NRK: variants seen among roughly 807,000 people sequenced by gnomAD.
NRK encodes the protein nik-related protein kinase.
Under a neutral mutation model 125.2 loss-of-function variants are expected in NRK, and 67 were observed. The ratio of observed to expected loss-of-function variants is 0.54; its 90% confidence interval spans 0.44 to 0.66. NRK has a LOEUF of 0.66. Among genes scored for constraint, NRK ranks in the 30% least tolerant of loss-of-function variants. The pLI is 0.00. For missense variants in NRK, 1,224 were observed against 1,192.9 expected, an observed-to-expected ratio of 1.03 and a Z score of -0.38; for synonymous variants, 458 against 429.0, an observed-to-expected ratio of 1.07 and a Z score of -0.84.
chrX:105,931,829 G>GT (rs964573425), intron 19 of NRK, among the ~76,000 whole-genome samples: 23 of 110,299 alleles, frequency 2.1e-4, no homozygotes, highest in Non-Finnish European at 4.2e-4. Flanking sequence ...TTTTTTCTGA[G>GT]TTTTTTTTTA....
At chrX:105,882,216 C>T (rs1169299412) in intron 4 of NRK, among the ~76,000 whole-genome samples, 6 of 110,623 alleles carry the variant, frequency 5.4e-5, no homozygotes, top group African/African-American at 2.0e-4. Context: ...ACATTACCAT[C>T]GTGTTTGAAC....
chrX:105,883,696 A>G (rs1343130718), intron 4 of NRK, among the ~76,000 whole-genome samples: 2 of 112,332 alleles, frequency 1.8e-5, no homozygotes, highest in Non-Finnish European at 3.8e-5. Flanking sequence ...AAGCTACCAA[A>G]CTAGTGAAAT....
intron 19 of NRK, among the ~76,000 whole-genome samples, chrX:105,933,285 T>A (rs957686371): frequency 9.0e-6 from 1 of 111,497 alleles, no homozygotes; most frequent in African/African-American, 3.3e-5. Flanking sequence ...TATCCAGTTA[T>A]CTCAAGGAAT....
At chrX:105,950,558 GTGTGTGTGTGTGTGTGTGT>G (rs1402270710) in intron 27 of NRK, among the ~76,000 whole-genome samples, 2 of 106,504 alleles carry the variant, frequency 1.9e-5, no homozygotes, top group African/African-American at 6.9e-5. Context: ...GTGTGTGTGT[GTGTGTGTGTGTGTGTGTGT>G]GGAGAGAGAG....
chrX:105,909,118 G>A lies in NRK; in HGVS notation c.1477G>A (p.Val493Ile). The A allele has an allele frequency of 1.7e-6, 2 of 1,211,517 alleles. No homozygotes were observed. Among genetic ancestry groups the A allele is most frequent in the Non-Finnish European group, 2.2e-6 (2 of 895,271 alleles). The change falls in exon 13 of 29, where the codon GTA becomes ATA. Residue 493 changes from valine to isoleucine, a missense_variant. By Grantham distance (29) the Val-to-Ile change is conservative. Coordinates refer to ENST00000243300, the MANE Select transcript of NRK (RefSeq NM_198465.4). ...GGTTAGGGCACCTAGGCTTCTGCAG[G>A]TACAGTCCCAGGTATCCAAAAAGCA... ...AQVRAPRLLQVQSQVSKKQQA... is the reference protein window; with the variant it reads ...AQVRAPRLLQIQSQVSKKQQA...
intron 19 of NRK, 78 bp downstream of exon 19, chrX:105,925,109 G>A: frequency 1.3e-6 from 1 of 763,633 alleles, no homozygotes; most frequent in Non-Finnish European, 1.9e-6. Flanking sequence ...AGCATTTCTA[G>A]CCATTCCAAA....
rs1348711599 is a variant in NRK at position 105,957,704 on chromosome X, G to A, written c.*2104G>A. 1.8e-5 allele frequency: 2 copies of A among 111,690 alleles called. No homozygotes were observed. The highest frequency in any genetic ancestry group is 3.8e-5 in the Non-Finnish European group (2 of 53,154). 9.2% of individuals were successfully genotyped at this position (111,690 alleles called of 1,213,427 possible). The stretch of plus-strand genomic sequence containing the variant: ...GATAAACCGAGCTTTAAAGGATAAA[G>A]TGTTAATAAAGAAAGGAAGCTGGGC... On this transcript the variant is annotated 3_prime_UTR_variant, in exon 29 of 29. Coordinates refer to ENST00000243300, the MANE Select transcript of NRK (RefSeq NM_198465.4).
intron 2 of NRK, among the ~76,000 whole-genome samples, chrX:105,875,520 A>G (rs1438205871): frequency 9.0e-6 from 1 of 111,420 alleles, no homozygotes; most frequent in Non-Finnish European, 1.9e-5. Context: ...ATTGAGTTTC[A>G]TTATCTTAAT....
chrX:105,852,409 ATC>A (rs2039483584), intron 2 of NRK, among the ~76,000 whole-genome samples: 1 of 111,778 alleles, frequency 8.9e-6, no homozygotes, highest in Non-Finnish European at 1.9e-5. Context: ...TATTCCTTTT[ATC>A]TCTCTAGATT....
chrX:105,868,974 A>G (rs756828358), intron 2 of NRK, among the ~76,000 whole-genome samples: 26 of 110,205 alleles, frequency 2.4e-4, no homozygotes, highest in African/African-American at 8.3e-4. Flanking sequence ...ATTAAAAAAA[A>G]CACACACACA....
chrX:105,839,970 A>G (rs1292131633), intron 2 of NRK, among the ~76,000 whole-genome samples: 1 of 111,799 alleles, frequency 8.9e-6, no homozygotes, highest in African/African-American at 3.2e-5. Context: ...AACAGGTTGA[A>G]TATTTGCAAT....
chrX:105,872,007 A>G (rs1280495240), intron 2 of NRK, among the ~76,000 whole-genome samples: 2 of 111,475 alleles, frequency 1.8e-5, no homozygotes, highest in Non-Finnish European at 3.8e-5. Flanking sequence ...TAAAGTGTCA[A>G]GGTTAAAATA....
chrX:105,822,186 G>A (rs1285139101), upstream of NRK, among the ~76,000 whole-genome samples: 2 of 112,109 alleles, frequency 1.8e-5, no homozygotes, highest in Non-Finnish European at 1.9e-5. Context: ...CAGGGCTGTG[G>A]GGCCCAGACT....
At chrX:105,839,684 T>C (rs2039306453) in intron 2 of NRK, among the ~76,000 whole-genome samples, 1 of 112,126 alleles carries the variant, frequency 8.9e-6, no homozygotes, top group African/African-American at 3.2e-5. Flanking sequence ...TGTTACATAC[T>C]AGTTGCTAGT....
chrX:105,896,685 A>T (rs1218964119), intron 7 of NRK, among the ~76,000 whole-genome samples: 3 of 110,276 alleles, frequency 2.7e-5, no homozygotes, highest in African/African-American at 9.9e-5. Flanking sequence ...ACAAAAAAAA[A>T]ATGTTTAATT....
At chrX:105,902,061 C>A (rs374555684) in intron 9 of NRK, among the ~76,000 whole-genome samples, 2 of 110,460 alleles carry the variant, frequency 1.8e-5, no homozygotes, top group South Asian at 7.8e-4. Flanking sequence ...TCCGGGAAAC[C>A]AACTTTCTAT....
chrX:105,915,600 T>C (rs1009943467), intron 14 of NRK, 130 bp from the exon 15 acceptor site: 3 of 366,772 alleles, frequency 8.2e-6, no homozygotes, highest in Non-Finnish European at 1.5e-5. Flanking sequence ...AGAATCTGTT[T>C]ATTAAAATCA....
chrX:105,891,950 C>T (rs2040020815), intron 5 of NRK, among the ~76,000 whole-genome samples: 1 of 111,609 alleles, frequency 9.0e-6, no homozygotes, highest in Non-Finnish European at 1.9e-5. Context: ...TATATATTTT[C>T]ACTTACAAGT....
intron 2 of NRK, among the ~76,000 whole-genome samples, chrX:105,849,406 C>T (rs1602605805): frequency 9.0e-6 from 1 of 111,163 alleles, no homozygotes; most frequent in South Asian, 3.8e-4. Context: ...CCATATCATA[C>T]GGCCCCTGGC....
Sources: allele counts gnomAD v4.1 joint callset (sites outside exome capture counted in the v4.1 genomes callset), GRCh38; gene constraint gnomAD v4.1.1; transcripts MANE v1.5; gene names NCBI Gene and HGNC (gene_info 2026-07-23, HGNC 2026-07-21).